Variants in LRP12 observed in about 807,000 individuals in gnomAD.
LRP12 encodes LDL receptor related protein 12.
In LRP12, 14 loss-of-function variants were observed where a neutral mutation model predicts 66.0. The observed-to-expected ratio is 0.21, with a 90% CI of 0.14 to 0.33. The LOEUF (loss-of-function observed/expected upper bound fraction) is 0.33, where lower values mean the gene tolerates loss of function less well. LRP12 is among the 10% of genes least tolerant of loss of function. The pLI is 1.00. For missense variants in LRP12, 889 were observed against 1,053.4 expected, an observed-to-expected ratio of 0.84 and a Z score of 2.16; for synonymous variants, 357 against 359.1, an observed-to-expected ratio of 0.99 and a Z score of 0.07.
chr8:104,564,630 G>GA (rs944030638), intron 1 of LRP12, among the ~76,000 whole-genome samples: 57 of 147,472 alleles, frequency 3.9e-4, no homozygotes, highest in East Asian at 9.9e-4. Context: ...CTATCATTAT[G>GA]AAAAAAAAAA....
At chr8:104,577,843 T>G (rs1812189845) in intron 1 of LRP12, among the ~76,000 whole-genome samples, 1 of 150,762 alleles carries the variant, frequency 6.6e-6, no homozygotes, top group African/African-American at 2.4e-5. Context: ...AGAAAGTTCT[T>G]GGAAACCAAT....
chr8:104,497,530 A>G lies in LRP12; in HGVS notation c.1022T>C (p.Leu341Pro), dbSNP rs199582596. 3.2e-5 allele frequency: 51 copies of G among 1,614,066 alleles called. No individual in the cohort carries two copies. The East Asian group carries it at 1.1e-3, about 35-fold the overall frequency. The change falls in exon 5 of 7, where the codon CTT (leucine) becomes CCT (proline). Residue 341 changes from leucine (L) to proline (P), a missense_variant. By Grantham distance (98) the Leu-to-Pro change is moderately conservative. Around this residue, in one of 3 missense-constraint regions of LRP12, gnomAD observed 800 missense variants for 964.5 expected, o/e 0.83. Transcript: ENST00000276654. The surrounding 1 kb of genome is among the most constrained non-coding windows in gnomAD (Gnocchi z 4.3). Reference sequence around the variant, plus strand: ...CTGTCCAGAAGAAGAAACAACTGTAAGAGGTGCATGAGAATCAAAAGCTGT... The same window carrying G: ...CTGTCCAGAAGAAGAAACAACTGTAGGAGGTGCATGAGAATCAAAAGCTGT... Reference protein sequence around the residue: ...VLTAFDSHAPLTVVSSSGQIR... With the variant: ...VLTAFDSHAPPTVVSSSGQIR...
chr8:104,525,239 C>A (rs1374410657), intron 2 of LRP12, among the ~76,000 whole-genome samples: 2 of 151,824 alleles, frequency 1.3e-5, no homozygotes, highest in Non-Finnish European at 2.9e-5. Context: ...AATTCTGAAC[C>A]AAGAAAAGTT....
At chr8:104,578,152 G>C (rs1812194601) in intron 1 of LRP12, among the ~76,000 whole-genome samples, 1 of 151,158 alleles carries the variant, frequency 6.6e-6, no homozygotes, top group South Asian at 2.1e-4. Flanking sequence ...CAGACCACTA[G>C]CTAGGCTAAT....
intron 1 of LRP12, among the ~76,000 whole-genome samples, chr8:104,588,361 G>A (rs1407591631): frequency 6.6e-6 from 1 of 152,212 alleles, no homozygotes; most frequent in Non-Finnish European, 1.5e-5. Flanking sequence ...TGGCGCGGTG[G>A]GAATCTCGCC....
intron 1 of LRP12, among the ~76,000 whole-genome samples, chr8:104,569,523 T>C (rs1028025623): frequency 6.6e-6 from 1 of 152,086 alleles, no homozygotes; most frequent in Non-Finnish European, 1.5e-5. Flanking sequence ...ATGTAATCCA[T>C]TATACTAACA....
chr8:104,526,591 C>T (rs1811243259), intron 2 of LRP12, among the ~76,000 whole-genome samples: 1 of 143,282 alleles, frequency 7.0e-6, no homozygotes, highest in Admixed American at 6.9e-5. Flanking sequence ...AAAGGATTCC[C>T]TATTTAATAA....
intron 2 of LRP12, among the ~76,000 whole-genome samples, chr8:104,522,586 G>T (rs1330101530): frequency 6.6e-6 from 1 of 152,042 alleles, no homozygotes; most frequent in Non-Finnish European, 1.5e-5. Context: ...CTCAGACAGA[G>T]ACTTCAGCTG....
intron 1 of LRP12, among the ~76,000 whole-genome samples, chr8:104,576,298 C>A (rs887805415): frequency 4.6e-5 from 7 of 152,088 alleles, no homozygotes; most frequent in African/African-American, 1.7e-4. Context: ...AAAAGATCAT[C>A]CCCAAGGTGT....
At chr8:104,547,857 A>G (rs1295642690) in intron 1 of LRP12, among the ~76,000 whole-genome samples, 1 of 128,742 alleles carries the variant, frequency 7.8e-6, no homozygotes, top group Non-Finnish European at 1.5e-5. Flanking sequence ...TATATTTTGT[A>G]TATAATATAC....
chr8:104,499,506 C>T lies in LRP12; in HGVS notation c.286G>A (p.Asp96Asn). 6.3e-7 allele frequency: 1 copy of T among 1,586,802 alleles called. No homozygotes were observed. Among genetic ancestry groups the T allele is most frequent in the Non-Finnish European group, 8.5e-7 (1 of 1,170,650 alleles). ...EIITISFQDFDIQGSRRCNLD... is the reference protein window; with the variant it reads ...EIITISFQDFNIQGSRRCNLD... ...TTGCACCTTCTGGATCCTTGAATAT[C>T]AAAATCCTGAAAACTGAAAAAAAAA... The change falls in exon 4 of 7, where the codon GAT becomes AAT. Residue 96 changes from aspartate (D) to asparagine (N), a missense_variant. By Grantham distance (23) the Asp-to-Asn change is conservative. Coordinates refer to ENST00000276654, the MANE Select transcript of LRP12 (RefSeq NM_013437.5).
intron 1 of LRP12, among the ~76,000 whole-genome samples, chr8:104,536,400 G>A (rs1366864374): frequency 6.6e-6 from 1 of 151,874 alleles, no homozygotes; most frequent in African/African-American, 2.4e-5. Flanking sequence ...TGTTTTATCT[G>A]TGTAATGCCT....
Position 104,528,304 on chromosome 8 carries a change from TC to T in LRP12, c.136+3602del, listed in dbSNP as rs1460226311. On this transcript the variant is annotated intron_variant, in intron 2 of 6. Transcript: ENST00000276654. ...CAGAATACTGAAGCATCTCACCATT[TC>T]TGTGGCTTGCTGATCTCAACAGAAA... Among the ~76,000 whole-genome samples, 4 of 152,280 alleles carry T rather than the reference TC, an allele frequency of 2.6e-5. No homozygotes were observed. In the East Asian group the frequency reaches 7.7e-4, roughly 29 times the overall value.
chr8:104,505,399 C>CTTTT (rs57277820), intron 3 of LRP12: 153 of 103,338 alleles, frequency 1.5e-3, no homozygotes, highest in Non-Finnish European at 1.9e-3. Flanking sequence ...TCCTTCTTTC[C>CTTTT]TTTTTTTTTT....
rs1053207209 is a variant in LRP12 at position 104,555,541 on chromosome 8, GAAAT to G, written c.80-23582_80-23579del. 2.2e-4 allele frequency among the ~76,000 whole-genome samples: 33 copies of G among 151,880 alleles called. 1 individual carries two copies. The South Asian group carries it at 2.3e-3, about 11-fold the overall frequency. ...ACTTGAAAGCAACAACAGTAAAAAA[GAAAT>G]AAATAAATAAAAACACAAAGAGGGA... On this transcript the variant is annotated intron_variant, in intron 1 of 6. Coordinates refer to ENST00000276654, the MANE Select transcript of LRP12 (RefSeq NM_013437.5).
chr8:104,524,167 A>T (rs1811192925), intron 2 of LRP12, among the ~76,000 whole-genome samples: 1 of 149,102 alleles, frequency 6.7e-6, no homozygotes, highest in East Asian at 2.0e-4. Flanking sequence ...GCTTGAGCCC[A>T]GGAGGTGGAG....
chr8:104,540,919 A>G (rs1289866867), intron 1 of LRP12, among the ~76,000 whole-genome samples: 1 of 152,056 alleles, frequency 6.6e-6, no homozygotes, highest in African/African-American at 2.4e-5. Context: ...TTTTTAGTAG[A>G]GACGGGGTTT....
intron 1 of LRP12, among the ~76,000 whole-genome samples, chr8:104,559,459 A>G (rs1479888608): frequency 6.6e-6 from 1 of 152,038 alleles, no homozygotes; most frequent in Non-Finnish European, 1.5e-5. Context: ...TCGGGGGAAA[A>G]GAGTGAGGAG....
At chr8:104,506,936 A>T (rs372099187) in intron 3 of LRP12, 1 of 152,124 alleles carries the variant, frequency 6.6e-6, no homozygotes, top group African/African-American at 2.4e-5. Context: ...AGAATTTAAA[A>T]TTTTTATTTT....
Sources: allele counts gnomAD v4.1 joint callset (sites outside exome capture counted in the v4.1 genomes callset), GRCh38; gene constraint gnomAD v4.1.1; regional missense constraint gnomAD v4.1.1; non-coding constraint Gnocchi (gnomAD v3.1); transcripts MANE v1.5; gene names NCBI Gene and HGNC (gene_info 2026-07-23, HGNC 2026-07-21).